ENTREP2: variants seen among roughly 807,000 people sequenced by gnomAD.
The protein encoded by ENTREP2 is protein ENTREP2.
the ENTREP2 span, among the ~76,000 whole-genome samples, chr15:29,487,728 T>C: frequency 3.3e-5 from 5 of 152,240 alleles, no homozygotes; most frequent in Non-Finnish European, 5.9e-5. Context: ...GGTCTCACTC[T>C]GTCACCCAGG....
the ENTREP2 span, among the ~76,000 whole-genome samples, chr15:29,417,348 A>G: frequency 1.3e-5 from 2 of 152,182 alleles, no homozygotes; most frequent in Non-Finnish European, 2.9e-5. Context: ...CTTTGTAGGG[A>G]CATGGATGAA....
At chr15:29,452,257 C>A in the ENTREP2 span, among the ~76,000 whole-genome samples, 4 of 152,162 alleles carry the variant, frequency 2.6e-5, no homozygotes, top group Non-Finnish European at 4.4e-5. Flanking sequence ...CCCTCACCCA[C>A]CCCCATCTCC....
chr15:29,570,548 G>A, the ENTREP2 span: 10 of 1,466,608 alleles, frequency 6.8e-6, no homozygotes, highest in East Asian at 3.0e-5. Flanking sequence ...GACGCGGGCC[G>A]AGGTGGTGAG....
chr15:29,389,020 G>A, the ENTREP2 span, among the ~76,000 whole-genome samples: 10 of 151,216 alleles, frequency 6.6e-5, no homozygotes, highest in African/African-American at 1.9e-4. Flanking sequence ...TGTAAATGAC[G>A]AGTTAATGGA....
the ENTREP2 span, among the ~76,000 whole-genome samples, chr15:29,562,887 C>G: frequency 6.6e-6 from 1 of 152,188 alleles, no homozygotes; most frequent in South Asian, 2.1e-4. Context: ...ACCTCCCAGA[C>G]TCAGGTGATC....
the ENTREP2 span, among the ~76,000 whole-genome samples, chr15:29,152,435 C>T: frequency 6.6e-6 from 1 of 152,172 alleles, no homozygotes; most frequent in Non-Finnish European, 1.5e-5. Flanking sequence ...CCATTTAACC[C>T]CCAGTTCTGA....
chr15:29,642,613 A>G, the ENTREP2 span, among the ~76,000 whole-genome samples: 1 of 149,826 alleles, frequency 6.7e-6, no homozygotes, highest in South Asian at 2.1e-4. Flanking sequence ...ATACATACAT[A>G]CATACTATAT....
the ENTREP2 span, among the ~76,000 whole-genome samples, chr15:29,501,000 C>A: frequency 1.3e-5 from 2 of 151,858 alleles, no homozygotes; most frequent in African/African-American, 4.8e-5. Context: ...CACGATCTAC[C>A]AAAATTGACT....
At chr15:29,444,982 G>T in the ENTREP2 span, among the ~76,000 whole-genome samples, 1 of 152,232 alleles carries the variant, frequency 6.6e-6, no homozygotes, top group Non-Finnish European at 1.5e-5. Flanking sequence ...AAAAGAAACA[G>T]GGCTGCCAGC....
chr15:29,390,666 AT>A, the ENTREP2 span, among the ~76,000 whole-genome samples: 1 of 152,188 alleles, frequency 6.6e-6, no homozygotes, highest in Non-Finnish European at 1.5e-5. Context: ...AGACCTGCCC[AT>A]TTGATTGGTA....
At chr15:29,388,476 G>A in the ENTREP2 span, among the ~76,000 whole-genome samples, 4 of 152,200 alleles carry the variant, frequency 2.6e-5, no homozygotes, top group African/African-American at 4.8e-5. Context: ...AACAGGTGCC[G>A]GAGAGGACGT....
chr15:29,496,591 C>T, the ENTREP2 span, among the ~76,000 whole-genome samples: 1 of 151,918 alleles, frequency 6.6e-6, no homozygotes, highest in African/African-American at 2.4e-5. Flanking sequence ...CATATTATTT[C>T]TATACCTAAA....
chr15:29,466,686 C>T, the ENTREP2 span, among the ~76,000 whole-genome samples: 1,749 of 84,584 alleles, frequency 0.021, 66 homozygotes, highest in African/African-American at 0.081. Context: ...GGGGAGGGCC[C>T]GGGGAGGATG....
the ENTREP2 span, among the ~76,000 whole-genome samples, chr15:29,305,960 G>A: frequency 1.3e-5 from 2 of 152,258 alleles, no homozygotes; most frequent in Non-Finnish European, 2.9e-5. Context: ...GAAGCAGCCA[G>A]TGAGGTAGGG....
At chr15:29,575,777 C>T in the ENTREP2 span, among the ~76,000 whole-genome samples, 3 of 151,952 alleles carry the variant, frequency 2.0e-5, no homozygotes, top group African/African-American at 7.3e-5. Context: ...GAATGAAATA[C>T]CTGGGAATAA....
chr15:29,532,703 C>A, the ENTREP2 span, among the ~76,000 whole-genome samples: 1 of 152,184 alleles, frequency 6.6e-6, no homozygotes, highest in African/African-American at 2.4e-5. Context: ...ATATGCTATA[C>A]TAGCAAATGT....
the ENTREP2 span, among the ~76,000 whole-genome samples, chr15:29,399,847 C>A: frequency 2.0e-5 from 3 of 152,100 alleles, no homozygotes; most frequent in African/African-American, 7.2e-5. Context: ...TTTTACTATT[C>A]ATTAAGTGGA....
the ENTREP2 span, among the ~76,000 whole-genome samples, chr15:29,197,297 A>G: frequency 6.6e-6 from 1 of 152,196 alleles, no homozygotes; most frequent in South Asian, 2.1e-4. Flanking sequence ...TAAAAAAGTA[A>G]AGTCCTAGCC....
chr15:29,494,053 T>C, the ENTREP2 span, among the ~76,000 whole-genome samples: 1 of 152,146 alleles, frequency 6.6e-6, no homozygotes, highest in African/African-American at 2.4e-5. Context: ...CAATATTTAA[T>C]GGGAATTCCC....
Sources: allele counts gnomAD v4.1 joint callset (sites outside exome capture counted in the v4.1 genomes callset), GRCh38; gene constraint gnomAD v4.1.1; transcripts MANE v1.5; gene names NCBI Gene and HGNC (gene_info 2026-07-23, HGNC 2026-07-21).